The following C1orf52 variants were observed in gnomAD, a reference collection of about 807,000 sequenced individuals.
C1orf52 encodes UPF0690 protein C1orf52.
A neutral mutation model predicts 17.2 loss-of-function variants in C1orf52; 5 were observed. That is an observed-to-expected ratio of 0.29 (90% CI 0.15 to 0.61). The LOEUF (loss-of-function observed/expected upper bound fraction) is 0.61. C1orf52 is among the 20% of genes least tolerant of loss of function. C1orf52 has a pLI of 0.85. For missense variants in C1orf52, 245 were observed against 234.1 expected, an observed-to-expected ratio of 1.05 and a Z score of -0.30; for synonymous variants, 110 against 88.0, an observed-to-expected ratio of 1.25 and a Z score of -1.40.
intron 2 of C1orf52, among the ~76,000 whole-genome samples, chr1:85,254,357 A>G (rs1480880508): frequency 6.6e-6 from 1 of 152,090 alleles, no homozygotes; most frequent in African/African-American, 2.4e-5. Context: ...CACAAACCAA[A>G]TAACATGGTA....
chr1:85,257,229 C>T (rs1557779508), intron 2 of C1orf52, among the ~76,000 whole-genome samples: 1 of 152,154 alleles, frequency 6.6e-6, no homozygotes, highest in Admixed American at 6.5e-5. Context: ...ATAAAGCAGA[C>T]AGACTTTTAA....
chr1:85,258,898 G>A (rs11161573), intron 1 of C1orf52, 176 bp from the exon 2 acceptor site: 405,928 of 1,427,676 alleles, frequency 0.28, 59,289 homozygotes, highest in African/African-American at 0.33. Context: ...AAGCCAAAGG[G>A]TTCCCTATAT....
chr1:85,259,624 C>T lies in C1orf52; in HGVS notation c.10G>A (p.Glu4Lys). The T allele has an allele frequency of 6.4e-7, 1 of 1,557,010 alleles. No individual in the cohort carries two copies. The highest frequency in any genetic ancestry group is 8.7e-7 in the Non-Finnish European group (1 of 1,149,864). Reference sequence around the variant, plus strand: ...AAATAGCTCAGAGGGTCCTTCTCCTCCGCTGCCATGACGGCTGCGAGCGAC... The same window carrying T: ...AAATAGCTCAGAGGGTCCTTCTCCTTCGCTGCCATGACGGCTGCGAGCGAC... MAA[E>K]EKDPLSYFAA... Residue 4 changes from glutamate to lysine, a missense_variant, in exon 1 of 3, where the codon GAG becomes AAG. Physicochemically the swap from Glu to Lys is moderately conservative, Grantham distance 56. Coordinates refer to ENST00000471115, the MANE Select transcript of C1orf52 (RefSeq NM_198077.4).
chr1:85,252,453 CAT>C lies in C1orf52; in HGVS notation c.*174_*175del, dbSNP rs1659822605. The C allele has an allele frequency of 1.8e-6, 1 of 558,942 alleles. No individual in the cohort carries two copies. Among genetic ancestry groups the C allele is most frequent in the East Asian group, 3.2e-5 (1 of 31,474 alleles). 34.6% of individuals were successfully genotyped at this position (558,942 alleles called of 1,614,324 possible). On this transcript the variant is annotated 3_prime_UTR_variant, in exon 3 of 3. Transcript: ENST00000471115. The stretch of plus-strand genomic sequence containing the variant: ...TCACCAGTTGAGTTTTAAATACATA[CAT>C]GTTTTAAATAAAAAAAGAATTCTAT...
Position 85,259,201 on chromosome 1 carries a change from G to T in C1orf52, c.276+157C>A, listed in dbSNP as rs933116234. The T allele has an allele frequency of 3.5e-6, 4 of 1,153,930 alleles. No individual in the cohort carries two copies. The South Asian group carries it at 6.2e-5, about 18-fold the overall frequency. 71.5% of individuals were successfully genotyped at this position (1,153,930 alleles called of 1,614,324 possible). A position where few individuals can be genotyped will look rare whatever the true frequency, so the allele number is the denominator to read the frequency against. Reference sequence around the variant, plus strand: ...AACACCCACCAGGCGGGGAGAGGGGGCCAGGTTTCCCAGGGCTTGAGGTGG... The same window carrying T: ...AACACCCACCAGGCGGGGAGAGGGGTCCAGGTTTCCCAGGGCTTGAGGTGG... On this transcript the variant is annotated intron_variant, in intron 1 of 2. Transcript: ENST00000471115.
At chr1:85,259,003 G>A (rs1660019987) in intron 1 of C1orf52, 1 of 1,353,610 alleles carries the variant, frequency 7.4e-7, no homozygotes, top group African/African-American at 1.5e-5. Flanking sequence ...AGCAGACACT[G>A]TCTTGGAGGC....
intron 2 of C1orf52, among the ~76,000 whole-genome samples, chr1:85,257,172 T>A (rs1659964680): frequency 6.6e-6 from 1 of 152,228 alleles, no homozygotes; most frequent in Non-Finnish European, 1.5e-5. Flanking sequence ...ATACTTACAA[T>A]GTACTCGATA....
chr1:85,258,152 A>G (rs1008075276), intron 2 of C1orf52, among the ~76,000 whole-genome samples: 3 of 151,880 alleles, frequency 2.0e-5, no homozygotes, highest in Admixed American at 6.6e-5. Flanking sequence ...GAAAAAGAAG[A>G]AAAAAAAGAA....
chr1:85,255,657 T>G (rs763949585), intron 2 of C1orf52, among the ~76,000 whole-genome samples: 8 of 151,170 alleles, frequency 5.3e-5, no homozygotes, highest in Non-Finnish European at 1.0e-4. Context: ...TAACCGGCAA[T>G]AAAAGGCCAA....
At position 85,252,430 on chromosome 1, in the gene C1orf52, A is replaced by C. The variant is rs1261675821; in HGVS notation, c.*199T>G. 2 of 496,800 alleles carry C rather than the reference A, an allele frequency of 4.0e-6. No individual in the cohort carries two copies. The highest frequency in any genetic ancestry group is 7.0e-6 in the Non-Finnish European group (2 of 283,732). The allele number at this position is 496,800 out of a possible 1,614,324, so 30.8% of individuals were successfully genotyped here. A position where few individuals can be genotyped will look rare whatever the true frequency, so the allele number is the denominator to read the frequency against. Reference sequence around the variant, plus strand: ...GTTATCAATTTCACAATCACAAGTCACCAGTTGAGTTTTAAATACATACAT... The same window carrying C: ...GTTATCAATTTCACAATCACAAGTCCCCAGTTGAGTTTTAAATACATACAT... On this transcript the variant is annotated 3_prime_UTR_variant, in exon 3 of 3. Transcript: ENST00000471115.
chr1:85,252,695 TTCA>T lies in C1orf52; in HGVS notation c.480_482del (p.Asp160del). 1 of 1,610,664 alleles carries T rather than the reference TTCA, an allele frequency of 6.2e-7. No individual in the cohort carries two copies. The highest frequency in any genetic ancestry group is 8.5e-7 in the Non-Finnish European group (1 of 1,177,402). On this transcript the variant is annotated inframe_deletion, in exon 3 of 3. Coordinates refer to ENST00000471115, the MANE Select transcript of C1orf52 (RefSeq NM_198077.4). ...GCTTTTTAGAAGTATGCTCATCTTT[TTCA>T]TCATCTTTAAATAGAAAAGGAAGAG...
At chr1:85,255,521 GC>G (rs1659914436) in intron 2 of C1orf52, among the ~76,000 whole-genome samples, 1 of 150,042 alleles carries the variant, frequency 6.7e-6, no homozygotes, top group Non-Finnish European at 1.5e-5. Context: ...CTGCACTCCA[GC>G]CTGGGCGACA....
rs1226750665 is a variant in C1orf52, at chr1:85,252,453, C to T, written c.*176G>A. ...TCACCAGTTGAGTTTTAAATACATA[C>T]ATGTTTTAAATAAAAAAAGAATTCT... On this transcript the variant is annotated 3_prime_UTR_variant, in exon 3 of 3. Transcript: ENST00000471115. 1 of 558,824 alleles carries T rather than the reference C, an allele frequency of 1.8e-6. No individual in the cohort carries two copies. The highest frequency in any genetic ancestry group is 3.2e-5 in the East Asian group (1 of 31,486). The allele number at this position is 558,824 out of a possible 1,614,324, so 34.6% of individuals were successfully genotyped here.
At chr1:85,258,041 C>A (rs1434700721) in intron 2 of C1orf52, among the ~76,000 whole-genome samples, 2 of 151,758 alleles carry the variant, frequency 1.3e-5, no homozygotes, top group Non-Finnish European at 2.9e-5. Flanking sequence ...ATCGCTTGAA[C>A]CTGGGAGGTG....
rs1046440395 is a variant in C1orf52 at position 85,251,356 on chromosome 1, G to A, written c.*1273C>T. ...ATAAGCCACCATGCTTGGCTGTCTT[G>A]TTCTTATACACTGAATGTGCACTGT... is the stretch of plus-strand genomic sequence containing the variant. On this transcript the variant is annotated 3_prime_UTR_variant, in exon 3 of 3. Coordinates refer to ENST00000471115, the MANE Select transcript of C1orf52 (RefSeq NM_198077.4). 1 of 152,114 alleles carries A rather than the reference G, an allele frequency of 6.6e-6. No individual in the cohort carries two copies. Among genetic ancestry groups the A allele is most frequent in the South Asian group, 2.1e-4 (1 of 4,826 alleles). The allele number at this position is 152,114 out of a possible 1,614,324, so 9.4% of individuals were successfully genotyped here.
chr1:85,256,012 A>G (rs1238237957), intron 2 of C1orf52, among the ~76,000 whole-genome samples: 1 of 152,186 alleles, frequency 6.6e-6, no homozygotes. Flanking sequence ...CTGGTGTATA[A>G]TCCTGGTTTT....
At chr1:85,256,340 G>A (rs999521397) in intron 2 of C1orf52, among the ~76,000 whole-genome samples, 9 of 152,218 alleles carry the variant, frequency 5.9e-5, no homozygotes, top group East Asian at 1.9e-4. Flanking sequence ...CAGGTTGCTC[G>A]GAGTAATAAA....
chr1:85,258,539 C>T lies in C1orf52; in HGVS notation c.460G>A (p.Glu154Lys). Residue 154 changes from glutamate to lysine, a missense_variant, in exon 2 of 3, where the codon GAG becomes AAG. Coordinates refer to ENST00000471115, the MANE Select transcript of C1orf52 (RefSeq NM_198077.4). ...CTTTCCTTACCTGATTCCAACGTCT[C>T]CTCCCCTTCTGGTAGAAGCCTAGCT... ...KKARLLPEGE[E>K]TLESDDEKDE... 1 of 1,614,028 alleles carries T rather than the reference C, an allele frequency of 6.2e-7. No individual in the cohort carries two copies. Among genetic ancestry groups the T allele is most frequent in the Non-Finnish European group, 8.5e-7 (1 of 1,179,950 alleles).
At chr1:85,256,740 A>G (rs1659948257) in intron 2 of C1orf52, among the ~76,000 whole-genome samples, 1 of 147,176 alleles carries the variant, frequency 6.8e-6, no homozygotes, top group South Asian at 2.3e-4. Context: ...CGGAGCTTGC[A>G]GTGAGCCGAG....
Sources: allele counts gnomAD v4.1 joint callset (sites outside exome capture counted in the v4.1 genomes callset), GRCh38; gene constraint gnomAD v4.1.1; transcripts MANE v1.5; gene names NCBI Gene and HGNC (gene_info 2026-07-23, HGNC 2026-07-21).